Variants in HORMAD1 observed in about 807,000 individuals in gnomAD.
HORMAD1 encodes HORMA domain-containing protein 1.
In HORMAD1, 33 loss-of-function variants were observed where a neutral mutation model predicts 58.2. The observed-to-expected ratio is 0.57, with a 90% CI of 0.43 to 0.76. The LOEUF is 0.76. Among genes scored for constraint, HORMAD1 ranks in the 30% least tolerant of loss-of-function variants. HORMAD1 has a pLI of 0.00. For synonymous variants in HORMAD1, 137 were observed against 144.6 expected (o/e 0.95, Z 0.38); for missense variants, 363 against 462.0 (o/e 0.79, Z 1.96).
At chr1:150,711,608 C>T in intron 6 of HORMAD1, 37 bp from the exon 7 acceptor site, 1 of 1,493,308 alleles carries the variant, frequency 6.7e-7, no homozygotes, top group Non-Finnish European at 9.3e-7. Flanking sequence ...TTATCTAAGG[C>T]TAAGTATTCA....
At position 150,713,025 on chromosome 1, in the gene HORMAD1, T is replaced by C. The variant is rs587750277; in HGVS notation, c.279+1060A>G. 5.3e-5 allele frequency among the ~76,000 whole-genome samples: 8 copies of C among 152,288 alleles called. No individual in the cohort carries two copies. The South Asian group carries it at 1.7e-3, about 32-fold the overall frequency. Reference sequence around the variant, plus strand: ...CCCTCAGTCATATTGGCCTTCTTTTTGTTCCTGGAACTCTCTAAACTTCCA... The same window carrying C: ...CCCTCAGTCATATTGGCCTTCTTTTCGTTCCTGGAACTCTCTAAACTTCCA... On this transcript the variant is annotated intron_variant, in intron 5 of 14. Transcript: ENST00000361824.
In HORMAD1 at chr1:150,708,977, T is replaced by A; in HGVS notation, c.328-16A>T. 7.9e-7 allele frequency: 1 copy of A among 1,258,710 alleles called. No individual in the cohort carries two copies. The highest frequency in any genetic ancestry group is 1.2e-6 in the Non-Finnish European group (1 of 857,034). The allele number at this position is 1,258,710 out of a possible 1,614,324, so 78.0% of individuals were successfully genotyped here. The stretch of plus-strand genomic sequence containing the variant: ...CTGAAATTGTCTTAAATAGAAAATA[T>A]CGCAGTTATGCTTCTGATATTCAGT... On this transcript the variant is annotated splice_polypyrimidine_tract_variant and intron_variant, in intron 7 of 14. Transcript: ENST00000361824.
At chr1:150,712,545 TG>T (rs745477614) in intron 5 of HORMAD1, among the ~76,000 whole-genome samples, 4 of 152,130 alleles carry the variant, frequency 2.6e-5, no homozygotes, top group Non-Finnish European at 5.9e-5. Flanking sequence ...GTAGGCAAAG[TG>T]ATTTAAAACA....
intron 10 of HORMAD1, among the ~76,000 whole-genome samples, chr1:150,706,339 A>G (rs986864198): frequency 1.3e-5 from 2 of 152,232 alleles, no homozygotes; most frequent in Admixed American, 1.3e-4. Context: ...TACTTCAACC[A>G]GAATAGTTGT....
intron 13 of HORMAD1, among the ~76,000 whole-genome samples, chr1:150,700,460 A>T (rs1288503730): frequency 6.6e-6 from 1 of 152,070 alleles, no homozygotes; most frequent in Non-Finnish European, 1.5e-5. Context: ...CAATTTTTTT[A>T]AAAAACAGCT....
intron 5 of HORMAD1, among the ~76,000 whole-genome samples, chr1:150,712,962 A>G (rs1332385580): frequency 2.0e-5 from 3 of 152,170 alleles, no homozygotes; most frequent in African/African-American, 7.2e-5. Flanking sequence ...TTATCTGCCC[A>G]GGCTCATCTC....
At chr1:150,714,036 T>C (rs868421570) in intron 5 of HORMAD1, 49 bp downstream of exon 5, 2 of 1,146,116 alleles carry the variant, frequency 1.7e-6, no homozygotes, top group African/African-American at 3.1e-5. Flanking sequence ...GTTATATTTG[T>C]AGATCATAAA....
At chr1:150,719,364 C>G in intron 2 of HORMAD1, 109 bp downstream of exon 2, 1 of 701,376 alleles carries the variant, frequency 1.4e-6, no homozygotes, top group Non-Finnish European at 2.5e-6. Flanking sequence ...TTCCTGGTAT[C>G]ATAAAACCCT....
At chr1:150,702,322 T>A (rs914415594) in intron 13 of HORMAD1, among the ~76,000 whole-genome samples, 1 of 152,092 alleles carries the variant, frequency 6.6e-6, no homozygotes, top group Non-Finnish European at 1.5e-5. Flanking sequence ...ACACTGTTGG[T>A]TGGAATGTAA....
intron 13 of HORMAD1, among the ~76,000 whole-genome samples, chr1:150,702,893 CTTAAA>C (rs1379560243): frequency 5.9e-5 from 9 of 152,094 alleles, no homozygotes; most frequent in African/African-American, 2.2e-4. Flanking sequence ...TATCTTGGAA[CTTAAA>C]TTAAATGAAA....
In HORMAD1 at chr1:150,716,150, C is replaced by CTTTTT. The variant is rs752800084; in HGVS notation, c.178+983_178+987dup. Among the ~76,000 whole-genome samples, 18 of 68,776 alleles carry CTTTTT rather than the reference C, an allele frequency of 2.6e-4. 2 individuals are homozygous for CTTTTT. The highest frequency in any genetic ancestry group is 6.7e-4 in the African/African-American group (10 of 14,890). The allele number at this position is 68,776 out of a possible 152,430, so 45.1% of individuals were successfully genotyped here. On this transcript the variant is annotated intron_variant, in intron 3 of 14. Coordinates refer to ENST00000361824, the MANE Select transcript of HORMAD1 (RefSeq NM_032132.5). ...AGTGAAAGCCAGTCACAAAGGACCA[C>CTTTTT]TTTTTTTTTTTTTTTTTTTTTTTTT... is the stretch of plus-strand genomic sequence containing the variant.
Position 150,708,925 on chromosome 1 carries a change from T to C in HORMAD1, c.364A>G (p.Thr122Ala). Residue 122 changes from threonine (T) to alanine (A), a missense_variant, in exon 8 of 15, where the codon ACC (threonine) becomes GCC (alanine). Physicochemically the swap from Thr to Ala is moderately conservative, Grantham distance 58. Transcript: ENST00000361824. Reference protein sequence around the residue: ...SECYQFKFKYTNNGPLMDFIS... With the variant: ...SECYQFKFKYANNGPLMDFIS... ...AAGTCCATGAGTGGTCCATTATTGGTGTATTTGAATTTGAATTGGTAACAT... is the reference window on the plus strand; with the variant it reads ...AAGTCCATGAGTGGTCCATTATTGGCGTATTTGAATTTGAATTGGTAACAT... The C allele has an allele frequency of 6.6e-7, 1 of 1,515,468 alleles. No homozygotes were observed. The highest frequency in any genetic ancestry group is 9.2e-7 in the Non-Finnish European group (1 of 1,090,464). The allele number at this position is 1,515,468 out of a possible 1,614,324, so 93.9% of individuals were successfully genotyped here.
chr1:150,700,082 A>G (rs1651491943), intron 14 of HORMAD1, 30 bp downstream of exon 14: 1 of 1,045,652 alleles, frequency 9.6e-7, no homozygotes, highest in Non-Finnish European at 1.5e-6. Flanking sequence ...TTCCCATTGT[A>G]TTCAAACTAT....
At chr1:150,717,072 G>C (rs1215275677) in intron 3 of HORMAD1, 66 bp downstream of exon 3, 1 of 1,041,722 alleles carries the variant, frequency 9.6e-7, no homozygotes, top group Non-Finnish European at 1.3e-6. Context: ...AAAAATTATA[G>C]TTTTGGAGCA....
intron 1 of HORMAD1, among the ~76,000 whole-genome samples, chr1:150,720,522 G>C (rs587708657): frequency 6.6e-6 from 1 of 152,254 alleles, no homozygotes; most frequent in East Asian, 1.9e-4. Context: ...TTCTTAATCA[G>C]ACAATTCAGC....
intron 9 of HORMAD1, 84 bp downstream of exon 9, chr1:150,708,171 TA>T (rs1468734020): frequency 3.6e-6 from 4 of 1,102,750 alleles, no homozygotes; most frequent in Non-Finnish European, 5.0e-6. Flanking sequence ...ATTTAGGTGC[TA>T]AAAATATTTG....
At chr1:150,711,775 T>C in intron 6 of HORMAD1, 58 bp downstream of exon 6, 1 of 1,246,742 alleles carries the variant, frequency 8.0e-7, no homozygotes, top group Non-Finnish European at 1.2e-6. Flanking sequence ...GTCATTTAAT[T>C]AAGCAAGGCC....
chr1:150,698,568 T>C lies in HORMAD1; in HGVS notation c.*86A>G. 1 of 697,578 alleles carries C rather than the reference T, an allele frequency of 1.4e-6. No homozygotes were observed. The highest frequency in any genetic ancestry group is 2.7e-5 in the East Asian group (1 of 37,060). The allele number at this position is 697,578 out of a possible 1,614,324, so 43.2% of individuals were successfully genotyped here. A position where few individuals can be genotyped will look rare whatever the true frequency, so the allele number is the denominator to read the frequency against. On this transcript the variant is annotated 3_prime_UTR_variant, in exon 15 of 15. Coordinates refer to ENST00000361824, the MANE Select transcript of HORMAD1 (RefSeq NM_032132.5). ...CAAACTGCTTTAAACTACATATACATCTTCAGAGTTAGGGAAATATAATAT... is the reference window on the plus strand; with the variant it reads ...CAAACTGCTTTAAACTACATATACACCTTCAGAGTTAGGGAAATATAATAT...
chr1:150,704,030 A>G (rs937089580), intron 12 of HORMAD1, 88 bp downstream of exon 12: 8 of 806,038 alleles, frequency 9.9e-6, no homozygotes, highest in Non-Finnish European at 1.3e-5. Flanking sequence ...AAGACCTGGA[A>G]TAAGAAAATC....
Sources: gnomAD v4.1 joint callset for allele counts (sites outside exome capture counted in the v4.1 genomes callset) on GRCh38, gnomAD v4.1.1 for gene constraint, MANE v1.5 for transcripts, NCBI Gene and HGNC (gene_info 2026-07-23, HGNC 2026-07-21) for gene names.